The following CLDN14 variants were observed in gnomAD, a reference collection of about 807,000 sequenced individuals.
The protein encoded by CLDN14 is claudin-14.
A neutral mutation model predicts 2.1 loss-of-function variants in CLDN14; 2 were observed. That is an observed-to-expected ratio of 0.96 (90% CI 0.39 to 3.01). The LOEUF (loss-of-function observed/expected upper bound fraction) is 3.01. CLDN14 is among the 30% of genes most tolerant of loss of function. CLDN14 has a pLI of 0.09. For missense variants in CLDN14, 298 were observed against 328.0 expected (o/e 0.91, Z 0.71); for synonymous variants, 136 against 154.4 (o/e 0.88, Z 0.88).
rs58666814 is a variant in CLDN14, at chr21:36,492,440, C to CAAAAAAAAAAAA, written c.-82+17911_-82+17922dup. 7.4e-5 allele frequency among the ~76,000 whole-genome samples: 5 copies of CAAAAAAAAAAAA among 67,930 alleles called. 2 individuals carry two copies. Among genetic ancestry groups the CAAAAAAAAAAAA allele is most frequent in the Non-Finnish European group, 9.9e-5 (4 of 40,214 alleles). 44.6% of individuals were successfully genotyped at this position (67,930 alleles called of 152,430 possible). On this transcript the variant is annotated intron_variant, in intron 2 of 2. Coordinates refer to the CLDN14 transcript ENST00000342108. ...TGGGCGACAGAGCGAGACTCCGTCC[C>CAAAAAAAAAAAA]AAAAAAAAAAAAAAAAAAAAAAAAA...
chr21:36,524,015 C>G (rs887333067), intron 1 of CLDN14, among the ~76,000 whole-genome samples: 1 of 152,012 alleles, frequency 6.6e-6, no homozygotes, highest in Non-Finnish European at 1.5e-5. Context: ...GTGACCTCAA[C>G]AGCAGGACCT....
intron 1 of CLDN14, among the ~76,000 whole-genome samples, chr21:36,559,231 C>T (rs1056423843): frequency 4.6e-5 from 7 of 151,664 alleles, no homozygotes; most frequent in Non-Finnish European, 7.4e-5. Flanking sequence ...GACTAAGTTT[C>T]GCTCTTGTCG....
chr21:36,460,877 G>A lies in CLDN14; in HGVS notation c.*99C>T. 1.4e-6 allele frequency: 2 copies of A among 1,386,660 alleles called. No homozygotes were observed. Among genetic ancestry groups the A allele is most frequent in the South Asian group, 1.3e-5 (1 of 79,888 alleles). 85.9% of individuals were successfully genotyped at this position (1,386,660 alleles called of 1,614,324 possible). On this transcript the variant is annotated 3_prime_UTR_variant, in exon 2 of 2. Transcript: ENST00000399135. The surrounding 1 kb of genome is among the most constrained non-coding windows in gnomAD (Gnocchi z 4.0). ...CATTATTTCCTTGGATACAAAAATT[G>A]CCCAGAAGTAAACTTTGTGCTGGAA...
At chr21:36,474,574 C>T (rs896413827) in intron 1 of CLDN14, among the ~76,000 whole-genome samples, 2 of 152,144 alleles carry the variant, frequency 1.3e-5, no homozygotes, top group Non-Finnish European at 2.9e-5. Context: ...ACATCAGCTT[C>T]GCCAGATTGC....
intron 1 of CLDN14, among the ~76,000 whole-genome samples, chr21:36,471,762 A>G (rs2086713727): frequency 6.6e-6 from 1 of 152,252 alleles, no homozygotes; most frequent in African/African-American, 2.4e-5. Context: ...CATGAATTAG[A>G]CAACTATTCT....
intron 1 of CLDN14, chr21:36,526,164 T>C (rs1341683560): frequency 2.6e-5 from 4 of 152,008 alleles, no homozygotes; most frequent in African/African-American, 7.2e-5. Flanking sequence ...CTGGAAAGGG[T>C]CAGACGGTAA....
At chr21:36,517,041 A>G (rs1601620225) in intron 1 of CLDN14, among the ~76,000 whole-genome samples, 1 of 151,976 alleles carries the variant, frequency 6.6e-6, no homozygotes, top group Non-Finnish European at 1.5e-5. Flanking sequence ...GGTTTCGCCA[A>G]GTTGGCCAGG....
chr21:36,536,734 C>G (rs181011926), intron 1 of CLDN14, among the ~76,000 whole-genome samples: 281 of 152,306 alleles, frequency 1.8e-3, no homozygotes, highest in Non-Finnish European at 3.6e-3. Context: ...AAAATATTTT[C>G]TCTTTTTTTC....
At chr21:36,550,985 C>A (rs1369323421) in intron 1 of CLDN14, among the ~76,000 whole-genome samples, 1 of 152,184 alleles carries the variant, frequency 6.6e-6, no homozygotes, top group Non-Finnish European at 1.5e-5. Flanking sequence ...TCCTTAGAAG[C>A]AGGCACCAGG....
chr21:36,465,138 G>A (rs2086629394), intron 1 of CLDN14, among the ~76,000 whole-genome samples: 1 of 152,192 alleles, frequency 6.6e-6, no homozygotes, highest in Admixed American at 6.5e-5. Flanking sequence ...ATCTCCGAAT[G>A]GCCTCTGAGA....
rs575710583 is a variant in CLDN14, at chr21:36,567,149, A to C, written c.-220+9262T>G. Among the ~76,000 whole-genome samples, 17 of 152,334 alleles carry C rather than the reference A, an allele frequency of 1.1e-4. No individual in the cohort carries two copies. The East Asian group carries it at 2.9e-3, about 26-fold the overall frequency. On this transcript the variant is annotated intron_variant, in intron 1 of 2. Transcript: ENST00000342108. ...TGACATTCAGGACTCACCAACTATT[A>C]GGCGGCTTGGAGGCAGAAGCCTACC...
At chr21:36,489,208 A>AAGAG (rs551064855) in intron 2 of CLDN14, among the ~76,000 whole-genome samples, 71 of 111,252 alleles carry the variant, frequency 6.4e-4, no homozygotes, top group African/African-American at 1.9e-3. Context: ...GAGAGAGAGA[A>AAGAG]AGAGAGAGAG....
intron 1 of CLDN14, among the ~76,000 whole-genome samples, chr21:36,572,393 G>A (rs2087715870): frequency 1.1e-5 from 1 of 90,332 alleles, no homozygotes; most frequent in African/African-American, 2.9e-5. Flanking sequence ...CCTTCCCTCT[G>A]CGGAGTCCAG....
intron 1 of CLDN14, among the ~76,000 whole-genome samples, chr21:36,546,590 A>G (rs1279489296): frequency 6.6e-6 from 1 of 152,124 alleles, no homozygotes; most frequent in African/African-American, 2.4e-5. Context: ...AACTTTCCTC[A>G]AGCACTTACC....
chr21:36,513,487 A>G (rs1453741819), intron 1 of CLDN14, among the ~76,000 whole-genome samples: 1 of 152,206 alleles, frequency 6.6e-6, no homozygotes, highest in Non-Finnish European at 1.5e-5. Flanking sequence ...CTCCAGTGAC[A>G]GAACACATTT....
intron 1 of CLDN14, among the ~76,000 whole-genome samples, chr21:36,554,207 A>G (rs2087582564): frequency 6.6e-6 from 1 of 152,044 alleles, no homozygotes; most frequent in South Asian, 2.1e-4. Flanking sequence ...TGGCCCTTTC[A>G]TGAGACAGCA....
intron 1 of CLDN14, among the ~76,000 whole-genome samples, chr21:36,537,651 C>CTTTTTTTTTT (rs371651908): frequency 7.0e-6 from 1 of 143,606 alleles, no homozygotes. Flanking sequence ...TTTTTCTTTT[C>CTTTTTTTTTT]TTTTCTTTTT....
At chr21:36,486,743 T>C in intron 2 of CLDN14, 1 of 981,072 alleles carries the variant, frequency 1.0e-6, no homozygotes, top group South Asian at 1.4e-5. Flanking sequence ...ATCCTTCTCA[T>C]TGCCTTTGGG....
upstream of CLDN14, among the ~76,000 whole-genome samples, chr21:36,483,246 G>A (rs1179641211): frequency 6.6e-6 from 1 of 151,814 alleles, no homozygotes; most frequent in East Asian, 1.9e-4. Flanking sequence ...AGGTGGTGTT[G>A]TTTCTGACTC....
Sources: gnomAD v4.1 joint callset for allele counts (sites outside exome capture counted in the v4.1 genomes callset) on GRCh38, gnomAD v4.1.1 for gene constraint, Gnocchi (gnomAD v3.1) non-coding constraint, MANE v1.5 for transcripts, NCBI Gene and HGNC (gene_info 2026-07-23, HGNC 2026-07-21) for gene names.